SEMA4F: variants seen among roughly 807,000 people sequenced by gnomAD.
The protein encoded by SEMA4F is semaphorin-4F.
SEMA4F carries 51 observed loss-of-function variants against 78.4 expected under a neutral mutation model. That is an observed-to-expected ratio of 0.65 (90% CI 0.52 to 0.82). The LOEUF is 0.82. SEMA4F is among the 40% of genes least tolerant of loss of function. SEMA4F has a pLI of 0.00. For synonymous variants in SEMA4F, 418 were observed against 408.7 expected (o/e 1.02, Z -0.27); for missense variants, 938 against 1,014.4 (o/e 0.92, Z 1.02).
chr2:74,704,884 C>T, the SEMA4F span, among the ~76,000 whole-genome samples: 1 of 152,204 alleles, frequency 6.6e-6, no homozygotes, highest in African/African-American at 2.4e-5. Flanking sequence ...TTCTTCAGCT[C>T]CTCCCAACAC....
At chr2:74,701,193 G>T in the SEMA4F span, among the ~76,000 whole-genome samples, 1 of 152,082 alleles carries the variant, frequency 6.6e-6, no homozygotes, top group Non-Finnish European at 1.5e-5. Flanking sequence ...TTCCTGGATT[G>T]CCCCACATTC....
At position 74,680,151 on chromosome 2, in the gene SEMA4F, C is replaced by T; in HGVS notation, c.2255C>T (p.Pro752Leu). The change falls in exon 14 of 14, where the codon CCA becomes CTA. Residue 752 changes from proline (P) to leucine (L), a missense_variant. Physicochemically the swap from Pro to Leu is moderately conservative, Grantham distance 98. Coordinates refer to ENST00000357877, the MANE Select transcript of SEMA4F (RefSeq NM_004263.5). ...TTCCTGCTTGATCCTTGCCCAAGCC[C>T]AGCCCACATTCGGCTAACTGGGGCT... The part of the protein sequence containing the change: ...PPFLLDPCPS[P>L]AHIRLTGAPL... 1.9e-6 allele frequency: 3 copies of T among 1,603,522 alleles called. No homozygotes were observed. Among genetic ancestry groups the T allele is most frequent in the Non-Finnish European group, 2.6e-6 (3 of 1,171,610 alleles).
chr2:74,656,757 G>A lies in SEMA4F; in HGVS notation c.297+72G>A, dbSNP rs980310214. The A allele has an allele frequency of 2.0e-6, 3 of 1,514,650 alleles. No individual in the cohort carries two copies. The African/African-American group carries it at 4.1e-5, about 21-fold the overall frequency. The allele number at this position is 1,514,650 out of a possible 1,614,324, so 93.8% of individuals were successfully genotyped here. On this transcript the variant is annotated intron_variant, in intron 2 of 13. Coordinates refer to ENST00000357877, the MANE Select transcript of SEMA4F (RefSeq NM_004263.5). ...TAAATCTATGATTTTATGAGTGTGT[G>A]TGGGGGATTTCATAATAACTAAAGA...
downstream of SEMA4F, among the ~76,000 whole-genome samples, chr2:74,688,824 C>A (rs542812827): frequency 1.1e-3 from 173 of 152,212 alleles, 1 homozygote; most frequent in Admixed American, 2.0e-3. Context: ...ATGTTTCTTA[C>A]ATAGAAAATC....
the SEMA4F span, among the ~76,000 whole-genome samples, chr2:74,697,899 A>G: frequency 3.8e-4 from 58 of 152,096 alleles, no homozygotes; most frequent in East Asian, 0.011. Context: ...CCCTGGCTCC[A>G]TCTTGCATCT....
chr2:74,673,881 C>A, intron 7 of SEMA4F, 53 bp downstream of exon 7: 2 of 1,562,048 alleles, frequency 1.3e-6, no homozygotes, highest in South Asian at 1.2e-5. Context: ...GTCTGTCCCC[C>A]GTCTTATCTT....
chr2:74,696,788 A>G, the SEMA4F span, among the ~76,000 whole-genome samples: 3 of 152,262 alleles, frequency 2.0e-5, no homozygotes, highest in South Asian at 2.1e-4. Context: ...TATTTTTTAC[A>G]TAAACAATAT....
intron 5 of SEMA4F, among the ~76,000 whole-genome samples, chr2:74,672,932 C>T (rs1329999129): frequency 2.6e-5 from 4 of 152,142 alleles, no homozygotes; most frequent in African/African-American, 9.7e-5. Context: ...AATTGCTGGC[C>T]CAGGGATCTG....
At chr2:74,689,960 C>T in the SEMA4F span, among the ~76,000 whole-genome samples, 1 of 152,224 alleles carries the variant, frequency 6.6e-6, no homozygotes, top group Admixed American at 6.5e-5. Flanking sequence ...TTTACCAGTT[C>T]TTCACTGGCT....
At chr2:74,670,573 T>C (rs1684933478) in intron 5 of SEMA4F, among the ~76,000 whole-genome samples, 1 of 152,238 alleles carries the variant, frequency 6.6e-6, no homozygotes. Context: ...CTTTACTGTT[T>C]CCAGAATATT....
chr2:74,665,994 G>C (rs924626162), intron 5 of SEMA4F, among the ~76,000 whole-genome samples: 4 of 151,006 alleles, frequency 2.6e-5, no homozygotes, highest in South Asian at 2.1e-4. Context: ...TGCAACCTTC[G>C]TCTCACAGGT....
intron 4 of SEMA4F, among the ~76,000 whole-genome samples, chr2:74,659,902 T>C (rs1322887012): frequency 6.6e-6 from 1 of 152,212 alleles, no homozygotes; most frequent in African/African-American, 2.4e-5. Flanking sequence ...TAAAGGAAAT[T>C]CCAGCATTGG....
At chr2:74,693,557 CA>C in the SEMA4F span, among the ~76,000 whole-genome samples, 7 of 152,200 alleles carry the variant, frequency 4.6e-5, no homozygotes, top group South Asian at 1.4e-3. Flanking sequence ...TCTTCATAAG[CA>C]GCCAGTAAGA....
At chr2:74,690,387 A>G in the SEMA4F span, among the ~76,000 whole-genome samples, 69 of 152,236 alleles carry the variant, frequency 4.5e-4, 1 homozygote, top group South Asian at 0.013. Flanking sequence ...ATTTTTTACA[A>G]TGTGCATGAA....
At chr2:74,668,856 C>T (rs1412667128) in intron 5 of SEMA4F, among the ~76,000 whole-genome samples, 1 of 148,220 alleles carries the variant, frequency 6.7e-6, no homozygotes, top group Non-Finnish European at 1.5e-5. Context: ...TCTTGAACTC[C>T]TGACCTCAGG....
intron 4 of SEMA4F, among the ~76,000 whole-genome samples, chr2:74,659,807 C>T (rs1684339195): frequency 1.3e-5 from 2 of 152,180 alleles, no homozygotes; most frequent in Non-Finnish European, 2.9e-5. Context: ...GACTTTGAGA[C>T]TGTATATAAA....
rs1217635615 is a variant in SEMA4F at position 74,680,625 on chromosome 2, T to A, written c.*416T>A. ...ATGTGCCCTGAGTCCTTGGGGTGGT[T>A]CTGCTTATTCTTCAAGTTTATCTGA... On this transcript the variant is annotated 3_prime_UTR_variant, in exon 14 of 14. Transcript: ENST00000357877. 1.2e-5 allele frequency: 2 copies of A among 163,600 alleles called. No individual in the cohort carries two copies. Among genetic ancestry groups the A allele is most frequent in the Non-Finnish European group, 2.6e-5 (2 of 75,502 alleles). 10.1% of individuals were successfully genotyped at this position (163,600 alleles called of 1,614,324 possible).
At chr2:74,657,654 T>G (rs757873217) in intron 3 of SEMA4F, 30 bp downstream of exon 3, 6 of 1,609,646 alleles carry the variant, frequency 3.7e-6, no homozygotes, top group Admixed American at 1.7e-5. Context: ...CTGTCTTGAG[T>G]GTCAGTTGAG....
the SEMA4F span, among the ~76,000 whole-genome samples, chr2:74,709,075 G>T: frequency 6.6e-6 from 1 of 152,180 alleles, no homozygotes; most frequent in East Asian, 1.9e-4. Flanking sequence ...TGAGGTGGGA[G>T]GTTGGCTTGA....
Sources: allele counts gnomAD v4.1 joint callset (sites outside exome capture counted in the v4.1 genomes callset), GRCh38; gene constraint gnomAD v4.1.1; transcripts MANE v1.5; gene names NCBI Gene and HGNC (gene_info 2026-07-23, HGNC 2026-07-21).